Variants in PHF20 observed in about 807,000 individuals in gnomAD.
The protein encoded by PHF20 is PHD finger protein 20, also known as glioma-expressed antigen 2.
A neutral mutation model predicts 113.5 loss-of-function variants in PHF20; 23 were observed. That is an observed-to-expected ratio of 0.20 (90% CI 0.15 to 0.29). The LOEUF is 0.29. Ranked by LOEUF, PHF20 falls within the 10% of genes least tolerant of loss-of-function variation. The pLI is 1.00. For missense variants in PHF20, 943 were observed against 1,219.6 expected (o/e 0.77, Z 3.38); for synonymous variants, 434 against 457.3 (o/e 0.95, Z 0.65).
chr20:35,865,941 G>A (rs1276903080), intron 6 of PHF20, among the ~76,000 whole-genome samples: 3 of 152,128 alleles, frequency 2.0e-5, no homozygotes, highest in Non-Finnish European at 4.4e-5. Context: ...GGGCATGGTG[G>A]TTCATGCCTG....
At chr20:35,814,558 C>G (rs1410527656) in intron 2 of PHF20, among the ~76,000 whole-genome samples, 1 of 150,754 alleles carries the variant, frequency 6.6e-6, no homozygotes, top group Non-Finnish European at 1.5e-5. Context: ...GCCTGGGTAA[C>G]AGAGTAAGAC....
chr20:35,851,613 C>G (rs1022153384), intron 4 of PHF20, among the ~76,000 whole-genome samples: 1 of 149,492 alleles, frequency 6.7e-6, no homozygotes, highest in East Asian at 2.0e-4. Context: ...GCCTAGATAG[C>G]CTTTAACGAT....
chr20:35,879,578 C>G (rs1568696068), intron 9 of PHF20, among the ~76,000 whole-genome samples: 1 of 151,990 alleles, frequency 6.6e-6, no homozygotes, highest in Non-Finnish European at 1.5e-5. Context: ...GCTGGTTTGG[C>G]CAGACAGTGT....
chr20:35,903,077 C>CCTTTCTTT (rs1555799692), intron 10 of PHF20, among the ~76,000 whole-genome samples: 38 of 60,004 alleles, frequency 6.3e-4, no homozygotes, highest in African/African-American at 1.7e-3. Flanking sequence ...CCTATCCTTT[C>CCTTTCTTT]TTTTTTTTTT....
At chr20:35,839,008 A>G (rs1410629326) in intron 2 of PHF20, among the ~76,000 whole-genome samples, 1 of 151,686 alleles carries the variant, frequency 6.6e-6, no homozygotes, top group Non-Finnish European at 1.5e-5. Flanking sequence ...AAAAAAAAAA[A>G]AAGTGATTTC....
chr20:35,877,633 A>G (rs1421047546), intron 9 of PHF20, among the ~76,000 whole-genome samples: 1 of 149,646 alleles, frequency 6.7e-6, no homozygotes, highest in Admixed American at 6.7e-5. Flanking sequence ...GCTGTAGTAC[A>G]GTGGTATGAT....
At position 35,834,059 on chromosome 20, in the gene PHF20, AAAAT is replaced by A. The variant is rs560040668; in HGVS notation, c.84-8490_84-8487del. 1.3e-4 allele frequency among the ~76,000 whole-genome samples: 19 copies of A among 148,348 alleles called. No homozygotes were observed. In the South Asian group the frequency reaches 1.8e-3, roughly 14 times the overall value. On this transcript the variant is annotated intron_variant, in intron 2 of 17. Transcript: ENST00000374012. The stretch of plus-strand genomic sequence containing the variant: ...GGCGACAGAGTGAGATTCCGTCTCA[AAAAT>A]AAATAAATAAATAAATAAATAAAAA...
At chr20:35,918,356 T>C (rs1003680291) in intron 13 of PHF20, among the ~76,000 whole-genome samples, 1 of 151,848 alleles carries the variant, frequency 6.6e-6, no homozygotes, top group East Asian at 1.9e-4. Context: ...TGGTTAGGAT[T>C]TTTTTTTAGG....
intron 1 of PHF20, among the ~76,000 whole-genome samples, chr20:35,785,162 C>T (rs1771913082): frequency 6.6e-6 from 1 of 151,968 alleles, no homozygotes; most frequent in South Asian, 2.1e-4. Flanking sequence ...TGTTTATACT[C>T]CTTCGTAAAA....
chr20:35,847,574 T>A, intron 4 of PHF20, 140 bp downstream of exon 4: 1 of 580,184 alleles, frequency 1.7e-6, no homozygotes, highest in Non-Finnish European at 3.1e-6. Context: ...AATCACTATG[T>A]CAGGAGTTGG....
At position 35,879,017 on chromosome 20, in the gene PHF20, G is replaced by T. The variant is rs148207763; in HGVS notation, c.1282+7188G>T. Among the ~76,000 whole-genome samples the T allele has an allele frequency of 6.6e-5, 10 of 152,300 alleles. No homozygotes were observed. In the East Asian group the frequency reaches 1.9e-3, roughly 29 times the overall value. ...TGTTGAATGTCCACCTTCTTAAATT[G>T]TTAAGATGAACTTAGTTCTAAGGAA... On this transcript the variant is annotated intron_variant, in intron 9 of 17. Transcript: ENST00000374012.
intron 4 of PHF20, among the ~76,000 whole-genome samples, chr20:35,851,917 CAA>C (rs777146225): frequency 3.1e-4 from 37 of 120,834 alleles, no homozygotes; most frequent in Admixed American, 4.2e-4. Flanking sequence ...ACTCCGTCTC[CAA>C]AAAAAAAAAA....
intron 13 of PHF20, among the ~76,000 whole-genome samples, chr20:35,920,321 G>A (rs970000746): frequency 6.6e-6 from 1 of 151,918 alleles, no homozygotes; most frequent in Non-Finnish European, 1.5e-5. Flanking sequence ...CTTATTGTCC[G>A]GTAGTATTCC....
At chr20:35,788,787 A>G (rs1036609141) in intron 1 of PHF20, among the ~76,000 whole-genome samples, 10 of 151,650 alleles carry the variant, frequency 6.6e-5, no homozygotes, top group Non-Finnish European at 1.2e-4. Context: ...CATTTTAGCC[A>G]GGGTGTTCTT....
chr20:35,832,547 C>T (rs1306246665), intron 2 of PHF20, among the ~76,000 whole-genome samples: 11 of 152,122 alleles, frequency 7.2e-5, no homozygotes, highest in Non-Finnish European at 1.6e-4. Flanking sequence ...GAAATGGGGG[C>T]TACTTGAGAT....
At chr20:35,847,324 C>CTTTTTTTTTTTTT in intron 3 of PHF20, 26 bp from the exon 4 acceptor site, 2 of 1,172,058 alleles carry the variant, frequency 1.7e-6, no homozygotes, top group Non-Finnish European at 2.4e-6. Flanking sequence ...GTAACAGGAT[C>CTTTTTTTTTTTTT]TTTTTTTTTT....
intron 6 of PHF20, among the ~76,000 whole-genome samples, chr20:35,868,379 C>T (rs1239692511): frequency 6.6e-6 from 1 of 151,952 alleles, no homozygotes; most frequent in Non-Finnish European, 1.5e-5. Flanking sequence ...GCGGGCAGAT[C>T]ACTTGATGTC....
At chr20:35,820,719 G>T (rs556762779) in intron 2 of PHF20, among the ~76,000 whole-genome samples, 81 of 152,206 alleles carry the variant, frequency 5.3e-4, no homozygotes, top group African/African-American at 1.8e-3. Flanking sequence ...AAAGTGTTGG[G>T]ATTACTGGTG....
At chr20:35,794,317 G>A (rs867339408) in intron 1 of PHF20, among the ~76,000 whole-genome samples, 6,336 of 145,248 alleles carry the variant, frequency 0.044, 181 homozygotes, top group African/African-American at 0.083. Context: ...AAAAAAAAAA[G>A]AAAAAAGAAA....
Sources: allele counts gnomAD v4.1 joint callset (sites outside exome capture counted in the v4.1 genomes callset), GRCh38; gene constraint gnomAD v4.1.1; transcripts MANE v1.5; gene names NCBI Gene and HGNC (gene_info 2026-07-23, HGNC 2026-07-21).